Variants in IL33 observed in about 807,000 individuals in gnomAD.
IL33 encodes the protein interleukin 33.
Under a neutral mutation model 27.3 loss-of-function variants are expected in IL33, and 37 were observed. The ratio of observed to expected loss-of-function variants is 1.36; its 90% CI spans 1.04 to 1.78. IL33 has a LOEUF of 1.78. Among genes scored for constraint, IL33 ranks in the 40% most tolerant of loss-of-function variants. IL33 has a pLI of 0.00. For synonymous variants in IL33, 132 were observed against 102.9 expected (o/e 1.28, Z -1.71); for missense variants, 406 against 311.4 (o/e 1.30, Z -2.29).
intron 1 of IL33, among the ~76,000 whole-genome samples, chr9:6,230,971 C>T (rs1818900799): frequency 6.6e-6 from 1 of 152,194 alleles, no homozygotes; most frequent in African/African-American, 2.4e-5. Flanking sequence ...CATATCCAAA[C>T]TCCAGAAACA....
rs540106930 is a variant in IL33, at chr9:6,221,718, C to A, written c.-12+5866C>A. ...GGTGGAACCATGCAGCAACTAGTAACCTCTAGAATGGCAGTTCGCTGTACA... is the reference window on the plus strand; with the variant it reads ...GGTGGAACCATGCAGCAACTAGTAAACTCTAGAATGGCAGTTCGCTGTACA... On this transcript the variant is annotated intron_variant, in intron 1 of 7. Coordinates refer to ENST00000682010, the MANE Select transcript of IL33 (RefSeq NM_033439.4). Among the ~76,000 whole-genome samples, 18 of 152,220 alleles carry A rather than the reference C, an allele frequency of 1.2e-4. No homozygotes were observed. The South Asian group carries it at 2.1e-3, about 18-fold the overall frequency.
At chr9:6,246,911 G>A (rs905516454) in intron 2 of IL33, among the ~76,000 whole-genome samples, 5 of 152,184 alleles carry the variant, frequency 3.3e-5, no homozygotes, top group Non-Finnish European at 5.9e-5. Flanking sequence ...GCAGAAAAGA[G>A]ACTAAGACCA....
chr9:6,220,588 C>T (rs1818365656), intron 1 of IL33, among the ~76,000 whole-genome samples: 2 of 152,110 alleles, frequency 1.3e-5, no homozygotes, highest in South Asian at 4.1e-4. Flanking sequence ...CATGAACTTC[C>T]TCAAATCTGA....
chr9:6,230,393 A>T (rs1818870329), intron 1 of IL33, among the ~76,000 whole-genome samples: 1 of 152,138 alleles, frequency 6.6e-6, no homozygotes, highest in Non-Finnish European at 1.5e-5. Flanking sequence ...AGGGTAGGGG[A>T]CAGGAAGTGA....
At chr9:6,226,433 G>C (rs928358709) in intron 1 of IL33, among the ~76,000 whole-genome samples, 6 of 152,032 alleles carry the variant, frequency 3.9e-5, no homozygotes, top group African/African-American at 1.4e-4. Flanking sequence ...TTCCATCTCT[G>C]TTCTAGCATC....
Position 6,257,018 on chromosome 9 carries a change from T to A in IL33, c.*850T>A, listed in dbSNP as rs926921118. 6.6e-6 allele frequency: 1 copy of A among 151,890 alleles called. No homozygotes were observed. Among genetic ancestry groups the A allele is most frequent in the Non-Finnish European group, 1.5e-5 (1 of 67,978 alleles). The allele number at this position is 151,890 out of a possible 1,614,324, so 9.4% of individuals were successfully genotyped here. A position where few individuals can be genotyped will look rare whatever the true frequency, so the allele number is the denominator to read the frequency against. ...TTTTAAAGAGTACTGAGTCACAACA[T>A]GTTTTAGAGCATCCAAGTACCATAT... On this transcript the variant is annotated 3_prime_UTR_variant, in exon 8 of 8. Coordinates refer to ENST00000682010, the MANE Select transcript of IL33 (RefSeq NM_033439.4).
chr9:6,234,480 G>A (rs962102866), intron 1 of IL33, among the ~76,000 whole-genome samples: 2 of 152,170 alleles, frequency 1.3e-5, no homozygotes, highest in African/African-American at 4.8e-5. Context: ...AGAAAGAGCC[G>A]AGGAGGCATT....
chr9:6,241,338 A>C (rs1819515557), intron 1 of IL33, among the ~76,000 whole-genome samples: 1 of 152,254 alleles, frequency 6.6e-6, no homozygotes, highest in Non-Finnish European at 1.5e-5. Context: ...CTGGCAGTGC[A>C]GTGGGTTGTT....
chr9:6,251,109 T>C (rs201153511), intron 3 of IL33, 31 bp from the exon 4 acceptor site: 4 of 1,604,816 alleles, frequency 2.5e-6, no homozygotes, highest in East Asian at 4.5e-5. Flanking sequence ...TGGGGATTGA[T>C]GGTCTATCCC....
chr9:6,239,103 C>G (rs1046084493), intron 1 of IL33, among the ~76,000 whole-genome samples: 1 of 152,124 alleles, frequency 6.6e-6, no homozygotes, highest in Non-Finnish European at 1.5e-5. Context: ...CAGAACTGCT[C>G]TTCTAACAAA....
At chr9:6,236,361 C>A (rs562426658) in intron 1 of IL33, among the ~76,000 whole-genome samples, 1 of 152,238 alleles carries the variant, frequency 6.6e-6, no homozygotes, top group Non-Finnish European at 1.5e-5. Context: ...CATACACTTT[C>A]CTGTCATTTA....
chr9:6,232,518 C>G (rs1818973915), intron 1 of IL33, among the ~76,000 whole-genome samples: 1 of 152,118 alleles, frequency 6.6e-6, no homozygotes, highest in African/African-American at 2.4e-5. Flanking sequence ...AAGCATACTC[C>G]TTACTCTCTC....
chr9:6,221,524 T>C (rs974535533), intron 1 of IL33, among the ~76,000 whole-genome samples: 1 of 152,356 alleles, frequency 6.6e-6, no homozygotes, highest in Non-Finnish European at 1.5e-5. Flanking sequence ...ATTTGCACTG[T>C]GATGTGACAG....
At chr9:6,219,307 T>C (rs1457569596) in intron 1 of IL33, among the ~76,000 whole-genome samples, 2 of 151,746 alleles carry the variant, frequency 1.3e-5, no homozygotes, top group African/African-American at 4.8e-5. Flanking sequence ...AAAAGTAACT[T>C]TTAAGGGGAC....
intron 2 of IL33, among the ~76,000 whole-genome samples, chr9:6,248,222 CT>C (rs1020222963): frequency 2.8e-5 from 4 of 141,904 alleles, no homozygotes; most frequent in African/African-American, 7.8e-5. Context: ...GAGGTCAGAT[CT>C]TTTTTTCTTT....
chr9:6,222,500 C>T lies in IL33; in HGVS notation c.-12+6648C>T, dbSNP rs558504285. ...AGTGAAAGTGTTGTGGAATATATTA[C>T]ATGCTTTACAAAACTTTTCATAACC... is the stretch of plus-strand genomic sequence containing the variant. On this transcript the variant is annotated intron_variant, in intron 1 of 7. Transcript: ENST00000682010. Among the ~76,000 whole-genome samples, 21 of 152,288 alleles carry T rather than the reference C, an allele frequency of 1.4e-4. No homozygotes were observed. The East Asian group carries it at 4.0e-3, about 29-fold the overall frequency.
chr9:6,221,353 T>C (rs1818404307), intron 1 of IL33, among the ~76,000 whole-genome samples: 1 of 152,194 alleles, frequency 6.6e-6, no homozygotes, highest in African/African-American at 2.4e-5. Flanking sequence ...TAAGCTGTTT[T>C]ACAAAAAATG....
At chr9:6,236,018 TACACACAC>T (rs61318432) in intron 1 of IL33, among the ~76,000 whole-genome samples, 52,108 of 139,664 alleles carry the variant, frequency 0.37, 10,018 homozygotes, top group East Asian at 0.5. Flanking sequence ...CCCACACCCA[TACACACAC>T]ACACACACAC....
chr9:6,227,467 C>T (rs185858761), intron 1 of IL33, among the ~76,000 whole-genome samples: 1 of 152,190 alleles, frequency 6.6e-6, no homozygotes, highest in East Asian at 1.9e-4. Context: ...CATTATTATG[C>T]TGGAAACAGC....
Sources: gnomAD v4.1 joint callset for allele counts (sites outside exome capture counted in the v4.1 genomes callset) on GRCh38, gnomAD v4.1.1 for gene constraint, MANE v1.5 for transcripts, NCBI Gene and HGNC (gene_info 2026-07-23, HGNC 2026-07-21) for gene names.